RASGRF2: variants seen among roughly 807,000 people sequenced by gnomAD.
RASGRF2 encodes the protein Ras protein specific guanine nucleotide releasing factor 2.
RASGRF2 carries 76 observed loss-of-function variants against 151.0 expected under a neutral mutation model. That is an observed-to-expected ratio of 0.50 (90% CI 0.42 to 0.61). The LOEUF is 0.61. Ranked by LOEUF, RASGRF2 falls within the 20% of genes least tolerant of loss-of-function variation. The probability of loss-of-function intolerance (pLI) is 0.00; values close to 1 mark genes in which losing one functional copy is unlikely to be tolerated. For synonymous variants in RASGRF2, 504 were observed against 566.5 expected (o/e 0.89, Z 1.57); for missense variants, 1,148 against 1,564.6 (o/e 0.73, Z 4.49).
At chr5:81,158,284 G>C (rs958666034) in intron 17 of RASGRF2, among the ~76,000 whole-genome samples, 1 of 152,166 alleles carries the variant, frequency 6.6e-6, no homozygotes, top group Non-Finnish European at 1.5e-5. Context: ...GACAGTGGTG[G>C]TAGGGAAATT....
intron 1 of RASGRF2, among the ~76,000 whole-genome samples, chr5:81,011,692 G>A (rs919416640): frequency 6.6e-6 from 1 of 151,366 alleles, no homozygotes. Context: ...CATGAGCTGA[G>A]ATCGAGCCAT....
chr5:81,086,797 A>G, intron 8 of RASGRF2, 38 bp from the exon 9 acceptor site: 2 of 1,513,798 alleles, frequency 1.3e-6, no homozygotes, highest in East Asian at 2.3e-5. Context: ...GCAAGAGAAA[A>G]TCTCTCTTAC....
chr5:81,156,468 C>G (rs887671178), intron 17 of RASGRF2, among the ~76,000 whole-genome samples: 6 of 152,058 alleles, frequency 3.9e-5, no homozygotes, highest in Non-Finnish European at 5.9e-5. Context: ...ATTAGCAAAC[C>G]AAATCCAGCA....
chr5:81,046,130 G>A (rs536483011), intron 2 of RASGRF2, among the ~76,000 whole-genome samples: 1 of 152,106 alleles, frequency 6.6e-6, no homozygotes, highest in African/African-American at 2.4e-5. Context: ...TCTTTTCTGA[G>A]CTACAAATCC....
chr5:81,192,045 GT>G (rs1376484253), intron 18 of RASGRF2, among the ~76,000 whole-genome samples: 1 of 152,110 alleles, frequency 6.6e-6, no homozygotes, highest in Non-Finnish European at 1.5e-5. Flanking sequence ...CAAACCACCA[GT>G]TTAAAACTTA....
At chr5:81,183,116 T>C (rs1754954230) in intron 18 of RASGRF2, 2 of 905,056 alleles carry the variant, frequency 2.2e-6, no homozygotes, top group Non-Finnish European at 2.6e-6. Context: ...GAAGTTGTAC[T>C]CATCTCAAAA....
intron 13 of RASGRF2, among the ~76,000 whole-genome samples, chr5:81,111,481 C>A (rs999134857): frequency 3.9e-5 from 6 of 151,926 alleles, no homozygotes; most frequent in African/African-American, 1.2e-4. Context: ...ACACCCATTA[C>A]TTTTTTTTAA....
chr5:81,108,785 T>C (rs1046753941), intron 12 of RASGRF2, among the ~76,000 whole-genome samples: 1 of 151,860 alleles, frequency 6.6e-6, no homozygotes, highest in African/African-American at 2.4e-5. Flanking sequence ...GATACAGTTT[T>C]GGTGTCTGAA....
chr5:81,159,476 G>A (rs533077328), intron 17 of RASGRF2, among the ~76,000 whole-genome samples: 17 of 152,330 alleles, frequency 1.1e-4, no homozygotes, highest in East Asian at 3.9e-4. Flanking sequence ...CGTACTCTAC[G>A]ATTCCTTTAC....
At chr5:80,988,748 C>A (rs899991246) in intron 1 of RASGRF2, among the ~76,000 whole-genome samples, 2 of 152,226 alleles carry the variant, frequency 1.3e-5, no homozygotes, top group African/African-American at 4.8e-5. Flanking sequence ...AACAAACATT[C>A]CTTAAAAATG....
chr5:81,133,081 A>G (rs1437022192), intron 17 of RASGRF2, among the ~76,000 whole-genome samples: 6 of 152,156 alleles, frequency 3.9e-5, no homozygotes, highest in Non-Finnish European at 5.9e-5. Flanking sequence ...GTCATTAGCC[A>G]TCTTTCTTCT....
Position 81,201,217 on chromosome 5 carries a change from A to G in RASGRF2, c.2794-113A>G, listed in dbSNP as rs553559532. 7.1e-5 allele frequency: 103 copies of G among 1,453,346 alleles called. No homozygotes were observed. In the African/African-American group the frequency reaches 1.2e-3, roughly 16 times the overall value. The allele number at this position is 1,453,346 out of a possible 1,614,324, so 90.0% of individuals were successfully genotyped here. ...TGGCAGGGAACTCTAGGGTCCATAC[A>G]TTTTAATTTCCATACCTAGCTTCTA... is the stretch of plus-strand genomic sequence containing the variant. On this transcript the variant is annotated intron_variant, in intron 18 of 26. Coordinates refer to ENST00000265080, the MANE Select transcript of RASGRF2 (RefSeq NM_006909.3).
chr5:81,210,488 T>A (rs924498233), intron 22 of RASGRF2, among the ~76,000 whole-genome samples: 7 of 152,318 alleles, frequency 4.6e-5, no homozygotes, highest in African/African-American at 1.7e-4. Flanking sequence ...TATGGCTACA[T>A]GGCTGTGATC....
At chr5:81,039,894 G>A (rs774730210) in intron 1 of RASGRF2, among the ~76,000 whole-genome samples, 5 of 152,042 alleles carry the variant, frequency 3.3e-5, no homozygotes, top group Admixed American at 6.5e-5. Flanking sequence ...TAATGCTTCC[G>A]GATTTCGAGT....
chr5:81,189,140 G>A (rs1208255298), intron 18 of RASGRF2, among the ~76,000 whole-genome samples: 3 of 152,172 alleles, frequency 2.0e-5, no homozygotes, highest in South Asian at 2.1e-4. Flanking sequence ...GACAGCAGAC[G>A]CCCCGGCCAG....
chr5:81,049,215 T>C (rs2112409154), intron 2 of RASGRF2, among the ~76,000 whole-genome samples: 2 of 151,680 alleles, frequency 1.3e-5, no homozygotes, highest in East Asian at 3.9e-4. Context: ...AGAGTTATAG[T>C]TCCACCCCCT....
At chr5:81,108,545 C>T (rs1440014316) in intron 12 of RASGRF2, among the ~76,000 whole-genome samples, 1 of 152,158 alleles carries the variant, frequency 6.6e-6, no homozygotes, top group Non-Finnish European at 1.5e-5. Context: ...AAGATGAATT[C>T]CATCCTAGGA....
chr5:81,141,206 C>G (rs1266108321), intron 17 of RASGRF2, among the ~76,000 whole-genome samples: 3 of 152,170 alleles, frequency 2.0e-5, no homozygotes, highest in Non-Finnish European at 4.4e-5. Context: ...TTTCCAGAGA[C>G]ACTCCTAAAT....
chr5:81,080,887 A>G, intron 7 of RASGRF2, 98 bp downstream of exon 7: 1 of 1,121,980 alleles, frequency 8.9e-7, no homozygotes, highest in Non-Finnish European at 1.3e-6. Context: ...GTGCCCTGGG[A>G]GGAATTATGG....
Sources: gnomAD v4.1 joint callset for allele counts (sites outside exome capture counted in the v4.1 genomes callset) on GRCh38, gnomAD v4.1.1 for gene constraint, MANE v1.5 for transcripts, NCBI Gene and HGNC (gene_info 2026-07-23, HGNC 2026-07-21) for gene names.